The following PRR12 variants were observed in gnomAD, a reference collection of about 807,000 sequenced individuals.
PRR12 encodes proline-rich protein 12.
Under a neutral mutation model 138.0 loss-of-function variants are expected in PRR12, and 12 were observed. That is an observed-to-expected ratio of 0.09 (90% CI 0.06 to 0.14). PRR12 has a LOEUF of 0.14. Among genes scored for constraint, PRR12 ranks in the 10% least tolerant of loss-of-function variants. The pLI, the probability that PRR12 is intolerant of heterozygous loss-of-function variation, is 1.00. For missense variants in PRR12, 2,692 were observed against 2,861.3 expected (o/e 0.94, Z 1.35); for synonymous variants, 1,567 against 1,291.7 (o/e 1.21, Z -4.57).
Position 49,599,646 on chromosome 19 carries a change from G to C in PRR12, c.4053G>C (p.Glu1351Asp), listed in dbSNP as rs957285622. Residue 1351 changes from glutamate (E) to aspartate (D), a missense_variant, in exon 5 of 14, where the codon GAG becomes GAC. Physicochemically the swap from Glu to Asp is conservative, Grantham distance 45. Transcript: ENST00000418929. The surrounding 1 kb of genome is among the most constrained non-coding windows in gnomAD (Gnocchi z 5.0). ...FGLGGALEAA[E>D]SEGLGLGCPS... ...TTGGGGGCGCCCTGGAGGCTGCAGA[G>C]AGTGAGGGTCTGGGGCTTGGCTGCC... The C allele has an allele frequency of 1.2e-6, 2 of 1,610,236 alleles. No homozygotes were observed. Among genetic ancestry groups the C allele is most frequent in the Non-Finnish European group, 1.7e-6 (2 of 1,177,318 alleles).
In PRR12 at chr19:49,614,109, CAAAAAAA is replaced by C. The variant is rs774229584; in HGVS notation, c.4774-423_4774-417del. On this transcript the variant is annotated intron_variant, in intron 6 of 13. Transcript: ENST00000418929. This position sits in a 1 kb window ranked among gnomAD's most constrained non-coding sequence, Gnocchi z 5.0. ...GGGCAACAAGAGCAAAACTCCGTCT[CAAAAAAA>C]GAAAAAGTAAAAAGAGAATTATGTG... 8.6e-5 allele frequency among the ~76,000 whole-genome samples: 13 copies of C among 151,980 alleles called. No individual in the cohort carries two copies. The highest frequency in any genetic ancestry group is 1.9e-4 in the Non-Finnish European group (13 of 67,968).
Position 49,599,274 on chromosome 19 carries a change from C to T in PRR12, c.3681C>T (p.Ile1227=). ...TRLEPLKPLK[I]KLSVPKAGEG... Reference sequence around the variant, plus strand: ...CGGCCCGCCACTCCCATGTCTAGATCAAGCTGTCTGTGCCCAAGGCTGGCG... The same window carrying T: ...CGGCCCGCCACTCCCATGTCTAGATTAAGCTGTCTGTGCCCAAGGCTGGCG... The change falls in exon 5 of 14, where the codon ATC becomes ATT. Residue 1227 remains isoleucine, a splice_region_variant and synonymous_variant. Coordinates refer to ENST00000418929, the MANE Select transcript of PRR12 (RefSeq NM_020719.3). The surrounding 1 kb of genome is among the most constrained non-coding windows in gnomAD (Gnocchi z 5.0). 3 of 1,593,040 alleles carry T rather than the reference C, an allele frequency of 1.9e-6. No individual in the cohort carries two copies. The highest frequency in any genetic ancestry group is 2.6e-6 in the Non-Finnish European group (3 of 1,168,486).
At chr19:49,608,137 G>C (rs2080847888) in intron 6 of PRR12, among the ~76,000 whole-genome samples, 1 of 152,244 alleles carries the variant, frequency 6.6e-6, no homozygotes, top group South Asian at 2.1e-4. Context: ...TCAAAATCCT[G>C]TGAATACTTT....
chr19:49,620,205 G>A, intron 9 of PRR12, 147 bp from the exon 10 acceptor site: 4 of 1,087,428 alleles, frequency 3.7e-6, no homozygotes, highest in Admixed American at 2.2e-5. Flanking sequence ...TGGCACTGGC[G>A]CTTGCCTGTC....
intron 5 of PRR12, 143 bp downstream of exon 5, chr19:49,600,081 G>C: frequency 1.0e-6 from 1 of 980,250 alleles, no homozygotes; most frequent in Non-Finnish European, 1.5e-6. Context: ...GGACTTTCCT[G>C]ATTACACAAG....
Position 49,595,006 on chromosome 19 carries a change from C to G in PRR12, c.671C>G (p.Thr224Ser). The G allele has an allele frequency of 2.5e-6, 4 of 1,597,150 alleles. No homozygotes were observed. The highest frequency in any genetic ancestry group is 3.4e-6 in the Non-Finnish European group (4 of 1,173,534). Reference sequence around the variant, plus strand: ...CCAGCTGGTCTCGGTCCAGCCCAGACCCCCCCTTACCGCCCTGGCCCCCCA... The same window carrying G: ...CCAGCTGGTCTCGGTCCAGCCCAGAGCCCCCCTTACCGCCCTGGCCCCCCA... ...LGPAGLGPAQTPPYRPGPPDP... is the reference protein window; with the variant it reads ...LGPAGLGPAQSPPYRPGPPDP... The change falls in exon 4 of 14, where the codon ACC (threonine) becomes AGC (serine). Residue 224 changes from threonine to serine, a missense_variant. This residue lies in a region of PRR12 where 523 missense variants were observed against 496.4 expected (regional missense o/e 1.05). Coordinates refer to ENST00000418929, the MANE Select transcript of PRR12 (RefSeq NM_020719.3).
Position 49,596,978 on chromosome 19 carries a change from G to T in PRR12, c.2643G>T (p.Gln881His). 1 of 1,557,168 alleles carries T rather than the reference G, an allele frequency of 6.4e-7. No homozygotes were observed. Among genetic ancestry groups the T allele is most frequent in the Non-Finnish European group, 8.7e-7 (1 of 1,155,056 alleles). Residue 881 changes from glutamine (Q) to histidine (H), a missense_variant, in exon 4 of 14, where the codon CAG (glutamine) becomes CAT (histidine). Coordinates refer to ENST00000418929, the MANE Select transcript of PRR12 (RefSeq NM_020719.3). This position sits in a 1 kb window ranked among gnomAD's most constrained non-coding sequence, Gnocchi z 5.6. ...GCCTGGATCCGCCAGGCGCCATGCAGGAATTGCTCGGGGCTCTGGAGCCGC... is the reference window on the plus strand; with the variant it reads ...GCCTGGATCCGCCAGGCGCCATGCATGAATTGCTCGGGGCTCTGGAGCCGC... ...EESLDPPGAM[Q>H]ELLGALEPLP...
chr19:49,607,451 A>ATCTCAGCACTTTT (rs1308961536), intron 6 of PRR12, among the ~76,000 whole-genome samples: 17 of 152,246 alleles, frequency 1.1e-4, no homozygotes, highest in Middle Eastern at 6.8e-3. Context: ...CATGCCTGTA[A>ATCTCAGCACTTTT]TCTCAGCACT....
rs2080749133 is a variant in PRR12, at chr19:49,594,260, C to CT, written c.200-193dup. Among the ~76,000 whole-genome samples the CT allele has an allele frequency of 6.6e-6, 1 of 152,046 alleles. No individual in the cohort carries two copies. The highest frequency in any genetic ancestry group is 2.1e-4 in the South Asian group (1 of 4,834). On this transcript the variant is annotated intron_variant, in intron 2 of 13. Coordinates refer to ENST00000418929, the MANE Select transcript of PRR12 (RefSeq NM_020719.3). This position sits in a 1 kb window ranked among gnomAD's most constrained non-coding sequence, Gnocchi z 5.6. Reference sequence around the variant, plus strand: ...ATTGCCCCTTGTCTTGCTTTACTGTCTCACCTTTCCCCCTTCCCTCCCCTC... The same window carrying CT: ...ATTGCCCCTTGTCTTGCTTTACTGTCTTCACCTTTCCCCCTTCCCTCCCCTC...
chr19:49,593,432 C>T lies in PRR12; in HGVS notation c.192C>T (p.His64=). ...TGCAAAGCTATGCCACCAACCACCA[C>T]CCGGCAGGTACGGCCCCCATCCCGC... ...HPLQSYATNH[H]PAGLSGLFDT... Residue 64 remains histidine (H), a synonymous_variant, in exon 2 of 14, where the codon CAC becomes CAT. Transcript: ENST00000418929. The T allele has an allele frequency of 6.3e-7, 1 of 1,584,594 alleles. No individual in the cohort carries two copies.
intron 6 of PRR12, 60 bp downstream of exon 6, chr19:49,601,978 T>G (rs1315024043): frequency 6.4e-7 from 1 of 1,561,800 alleles, no homozygotes; most frequent in Non-Finnish European, 8.7e-7. Flanking sequence ...GTTTGTTGAG[T>G]GCCCGCTGGA....
At position 49,615,768 on chromosome 19, in the gene PRR12, C is replaced by T. The variant is rs1275088782; in HGVS notation, c.5046C>T (p.Asn1682=). The change falls in exon 9 of 14, where the codon AAC becomes AAT. Residue 1682 remains asparagine (N), a synonymous_variant. Coordinates refer to ENST00000418929, the MANE Select transcript of PRR12 (RefSeq NM_020719.3). ...CTAGACGCTCTGGGCAGGCCAAGAA[C>T]CCCGTATCTGCTGGGGGTAGCTCTG... is the stretch of plus-strand genomic sequence containing the variant. ...VPVRRSGQAK[N]PVSAGGSSAP... is the part of the protein sequence containing the mutation. 17 of 1,612,786 alleles carry T rather than the reference C, an allele frequency of 1.1e-5. No individual in the cohort carries two copies. The highest frequency in any genetic ancestry group is 1.6e-4 in the Middle Eastern group (1 of 6,082).
chr19:49,603,350 A>G (rs757471391), intron 6 of PRR12, among the ~76,000 whole-genome samples: 35 of 152,348 alleles, frequency 2.3e-4, no homozygotes, highest in Non-Finnish European at 3.8e-4. Context: ...CATTGATTGT[A>G]CTGATTATGA....
intron 9 of PRR12, among the ~76,000 whole-genome samples, chr19:49,617,231 A>C (rs77415797): frequency 0.074 from 11,258 of 152,192 alleles, 448 homozygotes; most frequent in Middle Eastern, 0.12. Context: ...ATTTTTGTTG[A>C]GTGTTTACTA....
At chr19:49,612,327 C>A (rs977905498) in intron 6 of PRR12, among the ~76,000 whole-genome samples, 2 of 151,622 alleles carry the variant, frequency 1.3e-5, no homozygotes, top group Non-Finnish European at 2.9e-5. Context: ...GTGGGCCAGG[C>A]CACTTTTCTA....
rs1289890571 is a variant in PRR12, at chr19:49,625,702, G to A, written c.*95G>A. ...GAGCTAACACCTGGGCTCCATCGCC[G>A]GGGAAAGGGGGTCATGGGTCAGGGT... On this transcript the variant is annotated 3_prime_UTR_variant, in exon 14 of 14. Coordinates refer to ENST00000418929, the MANE Select transcript of PRR12 (RefSeq NM_020719.3). The surrounding 1 kb of genome is among the most constrained non-coding windows in gnomAD (Gnocchi z 5.5). The A allele has an allele frequency of 8.3e-6, 12 of 1,442,810 alleles. No homozygotes were observed. The East Asian group carries it at 9.7e-5, about 12-fold the overall frequency. 89.4% of individuals were successfully genotyped at this position (1,442,810 alleles called of 1,614,324 possible). A position where few individuals can be genotyped will look rare whatever the true frequency, so the allele number is the denominator to read the frequency against.
chr19:49,596,692 G>C lies in PRR12; in HGVS notation c.2357G>C (p.Gly786Ala). Reference sequence around the variant, plus strand: ...CCCCATGGCCTCCTTCTGGAGGCCGGGGGCCCTGACCTCCCACTGGTGCTG... The same window carrying C: ...CCCCATGGCCTCCTTCTGGAGGCCGCGGGCCCTGACCTCCCACTGGTGCTG... ...PTPHGLLLEA[G>A]GPDLPLVLPP... Residue 786 changes from glycine (G) to alanine (A), a missense_variant, in exon 4 of 14, where the codon GGG becomes GCG. Transcript: ENST00000418929. This position sits in a 1 kb window ranked among gnomAD's most constrained non-coding sequence, Gnocchi z 5.6. The C allele has an allele frequency of 6.2e-7, 1 of 1,606,052 alleles. No homozygotes were observed. Among genetic ancestry groups the C allele is most frequent in the East Asian group, 2.2e-5 (1 of 44,838 alleles).
At chr19:49,624,720 ACT>A in intron 11 of PRR12, 122 bp from the exon 12 acceptor site, 2 of 1,377,336 alleles carry the variant, frequency 1.5e-6, no homozygotes, top group Non-Finnish European at 1.9e-6. Flanking sequence ...CTTTGAGGAG[ACT>A]CTAGTTGTCT....
At position 49,591,229 on chromosome 19, in the gene PRR12, A is replaced by AGAG. The variant is rs1199214725; in HGVS notation, c.-415_-413dup. 4.0e-5 allele frequency among the ~76,000 whole-genome samples: 5 copies of AGAG among 126,496 alleles called. No homozygotes were observed. The highest frequency in any genetic ancestry group is 6.5e-5 in the Non-Finnish European group (4 of 61,846). 83.0% of individuals were successfully genotyped at this position (126,496 alleles called of 152,430 possible). ...GCAAAGATGGCTGCACCGTGAGCGCAGAGGAGGAGGAGGCGGCGGCGGCGG... is the reference window on the plus strand; with the variant it reads ...GCAAAGATGGCTGCACCGTGAGCGCAGAGGAGGAGGAGGAGGCGGCGGCGGCGG... On this transcript the variant is annotated 5_prime_UTR_variant, in exon 1 of 14. Coordinates refer to ENST00000418929, the MANE Select transcript of PRR12 (RefSeq NM_020719.3).
Sources: gnomAD v4.1 joint callset for allele counts (sites outside exome capture counted in the v4.1 genomes callset) on GRCh38, gnomAD v4.1.1 for gene constraint, gnomAD v4.1.1 regional missense constraint, Gnocchi (gnomAD v3.1) non-coding constraint, MANE v1.5 for transcripts, NCBI Gene and HGNC (gene_info 2026-07-23, HGNC 2026-07-21) for gene names.